FAM184B: variants seen among roughly 807,000 people sequenced by gnomAD.
FAM184B encodes the protein family with sequence similarity 184 member B.
FAM184B carries 111 observed loss-of-function variants against 135.9 expected under a neutral mutation model. The observed-to-expected ratio is 0.82, with a 90% CI of 0.70 to 0.96. FAM184B has a LOEUF of 0.96. Ranked by LOEUF, FAM184B falls within the 40% of genes least tolerant of loss-of-function variation. The pLI, the probability that FAM184B is intolerant of heterozygous loss-of-function variation, is 0.00. For synonymous variants in FAM184B, 552 were observed against 524.8 expected (o/e 1.05, Z -0.71); for missense variants, 1,375 against 1,323.9 (o/e 1.04, Z -0.60).
At chr4:17,699,219 G>C (rs936301847) in intron 5 of FAM184B, among the ~76,000 whole-genome samples, 2 of 151,530 alleles carry the variant, frequency 1.3e-5, no homozygotes, top group East Asian at 3.9e-4. Flanking sequence ...CTGAAACAGA[G>C]AGACAAGGAA....
At chr4:17,722,019 G>A (rs1460259976) in intron 1 of FAM184B, among the ~76,000 whole-genome samples, 1 of 152,222 alleles carries the variant, frequency 6.6e-6, no homozygotes, top group African/African-American at 2.4e-5. Context: ...AAGAGTTAAG[G>A]AAGGGGCCAG....
At chr4:17,711,813 G>C (rs1717278696) in intron 1 of FAM184B, among the ~76,000 whole-genome samples, 1 of 152,198 alleles carries the variant, frequency 6.6e-6, no homozygotes, top group African/African-American at 2.4e-5. Flanking sequence ...GTGGAGACAG[G>C]TGTGTGGCAC....
At chr4:17,726,954 A>G (rs770458461) in intron 1 of FAM184B, among the ~76,000 whole-genome samples, 2 of 152,162 alleles carry the variant, frequency 1.3e-5, no homozygotes, top group Non-Finnish European at 2.9e-5. Flanking sequence ...TTCAGGTTGC[A>G]TGGGATCCAG....
At chr4:17,763,013 C>T (rs1256311398) in intron 1 of FAM184B, among the ~76,000 whole-genome samples, 1 of 152,208 alleles carries the variant, frequency 6.6e-6, no homozygotes, top group Non-Finnish European at 1.5e-5. Context: ...ATGTTCCTGA[C>T]TCACTCCTGT....
intron 1 of FAM184B, among the ~76,000 whole-genome samples, chr4:17,711,477 C>CA (rs1019637054): frequency 7.3e-5 from 11 of 150,818 alleles, no homozygotes; most frequent in African/African-American, 1.7e-4. Context: ...GACTCAGTCT[C>CA]AAAAAAAATA....
chr4:17,754,216 T>G (rs1718368600), intron 1 of FAM184B, among the ~76,000 whole-genome samples: 1 of 152,076 alleles, frequency 6.6e-6, no homozygotes, highest in Non-Finnish European at 1.5e-5. Flanking sequence ...CATGCACACA[T>G]GCATATACAC....
chr4:17,701,304 C>T (rs1716981306), intron 5 of FAM184B, among the ~76,000 whole-genome samples: 2 of 152,228 alleles, frequency 1.3e-5, no homozygotes, highest in African/African-American at 2.4e-5. Flanking sequence ...CTTTTATACA[C>T]ATAGACTGGT....
rs1386727859 is a variant in FAM184B at position 17,688,431 on chromosome 4, T to C, written c.1589A>G (p.Glu530Gly). The change falls in exon 7 of 18, where the codon GAG (glutamate) becomes GGG (glycine). Residue 530 changes from glutamate (E) to glycine (G), a missense_variant. By Grantham distance (98) the Glu-to-Gly change is moderately conservative. Coordinates refer to ENST00000265018, the MANE Select transcript of FAM184B (RefSeq NM_015688.2). ...GACAAAGCTGGAGGTTACCTGGGTC[T>C]CCAGAATGCTGCAGTGCTGGCGGCC... is the stretch of plus-strand genomic sequence containing the variant. ...ELGRQHCSIL[E>G]TQDPCLKLDE... is the part of the protein sequence containing the mutation. The C allele has an allele frequency of 1.3e-6, 2 of 1,548,638 alleles. No homozygotes were observed. Among genetic ancestry groups the C allele is most frequent in the African/African-American group, 1.4e-5 (1 of 72,754 alleles).
At chr4:17,768,066 T>C (rs1457086537) in intron 1 of FAM184B, among the ~76,000 whole-genome samples, 1 of 152,268 alleles carries the variant, frequency 6.6e-6, no homozygotes, top group Non-Finnish European at 1.5e-5. Flanking sequence ...TCATGGATAC[T>C]AAATTAGAAT....
intron 10 of FAM184B, among the ~76,000 whole-genome samples, chr4:17,654,873 G>T (rs1243893284): frequency 6.6e-6 from 1 of 152,102 alleles, no homozygotes; most frequent in Non-Finnish European, 1.5e-5. Flanking sequence ...CTTTTTTTGA[G>T]ACGAGGTCTC....
At chr4:17,740,791 G>A (rs138715535) in intron 1 of FAM184B, among the ~76,000 whole-genome samples, 76 of 152,308 alleles carry the variant, frequency 5.0e-4, no homozygotes, top group African/African-American at 1.7e-3. Flanking sequence ...GTATCATAAA[G>A]CCTCATGGGA....
chr4:17,643,581 G>A lies in FAM184B; in HGVS notation c.2347-1353C>T, dbSNP rs140778604. 8.3e-3 allele frequency among the ~76,000 whole-genome samples: 1,264 copies of A among 152,224 alleles called. 9 individuals are homozygous for A. Among genetic ancestry groups the A allele is most frequent in the Non-Finnish European group, 0.013 (885 of 68,008 alleles). ...CCGTCCCCTCCCATTGGTACCAGTG[G>A]CTCCCACCCATCTAAACACTTAATG... On this transcript the variant is annotated intron_variant, in intron 12 of 17. Coordinates refer to ENST00000265018, the MANE Select transcript of FAM184B (RefSeq NM_015688.2).
In FAM184B at chr4:17,705,815, A is replaced by T; in HGVS notation, c.1107T>A (p.His369Gln). 6.4e-7 allele frequency: 1 copy of T among 1,552,056 alleles called. No individual in the cohort carries two copies. Among genetic ancestry groups the T allele is most frequent in the Non-Finnish European group, 8.7e-7 (1 of 1,147,068 alleles). ...TGAGACAGCTTTGATCCTGCTGAGG[A>T]TGAAGATTGCCGGCTTCCAAGTCAT... Reference protein sequence around the residue: ...EENDLEAGNLHPQQDQSCLKE... With the variant: ...EENDLEAGNLQPQQDQSCLKE... The change falls in exon 4 of 18, where the codon CAT (histidine) becomes CAA (glutamine). Residue 369 changes from histidine (H) to glutamine (Q), a missense_variant. His to Gln is a conservative substitution (Grantham distance 24, BLOSUM62 0). Coordinates refer to ENST00000265018, the MANE Select transcript of FAM184B (RefSeq NM_015688.2).
intron 1 of FAM184B, among the ~76,000 whole-genome samples, chr4:17,742,150 A>G (rs1356660295): frequency 1.3e-5 from 1 of 74,530 alleles, no homozygotes; most frequent in Non-Finnish European, 2.5e-5. Context: ...ATATATATAT[A>G]TATATATATA....
intron 1 of FAM184B, among the ~76,000 whole-genome samples, chr4:17,758,415 A>T (rs1718467424): frequency 1.3e-5 from 2 of 152,208 alleles, no homozygotes; most frequent in Admixed American, 1.3e-4. Context: ...GCATCCTAGA[A>T]CCAACCAGCC....
chr4:17,696,526 G>T (rs764563499), intron 5 of FAM184B, among the ~76,000 whole-genome samples: 1 of 152,170 alleles, frequency 6.6e-6, no homozygotes. Flanking sequence ...GAACTAAAAG[G>T]CTGGAACCAT....
At chr4:17,657,999 A>C (rs1325431877) in intron 10 of FAM184B, among the ~76,000 whole-genome samples, 3 of 152,032 alleles carry the variant, frequency 2.0e-5, no homozygotes, top group African/African-American at 7.2e-5. Flanking sequence ...CTTCGTTTTT[A>C]GCTGCAGGAC....
chr4:17,694,914 G>C (rs1716816915), intron 5 of FAM184B, among the ~76,000 whole-genome samples: 1 of 152,156 alleles, frequency 6.6e-6, no homozygotes, highest in Admixed American at 6.5e-5. Flanking sequence ...AAGTGCTCCA[G>C]AAAGTGACTT....
chr4:17,672,039 T>C (rs1220339370), intron 7 of FAM184B, among the ~76,000 whole-genome samples: 2 of 152,230 alleles, frequency 1.3e-5, no homozygotes, highest in Non-Finnish European at 2.9e-5. Context: ...GAAATAAGCA[T>C]GCAGATCCAA....
Sources: gnomAD v4.1 joint callset for allele counts (sites outside exome capture counted in the v4.1 genomes callset) on GRCh38, gnomAD v4.1.1 for gene constraint, MANE v1.5 for transcripts, NCBI Gene and HGNC (gene_info 2026-07-23, HGNC 2026-07-21) for gene names.